EPS8: variants seen among roughly 807,000 people sequenced by gnomAD.
EPS8 encodes the protein EGFR pathway substrate 8, signaling adaptor.
A neutral mutation model predicts 103.8 loss-of-function variants in EPS8; 42 were observed. The observed-to-expected ratio is 0.40, with a 90% confidence interval of 0.32 to 0.52. The LOEUF is 0.52. EPS8 is among the 20% of genes least tolerant of loss of function. EPS8 has a pLI of 0.40. For synonymous variants in EPS8, 344 were observed against 344.6 expected (o/e 1.00, Z 0.02); for missense variants, 969 against 1,005.1 (o/e 0.96, Z 0.49).
intron 16 of EPS8, among the ~76,000 whole-genome samples, chr12:15,641,411 T>A (rs1448404304): frequency 1.3e-5 from 2 of 151,910 alleles, no homozygotes; most frequent in Non-Finnish European, 2.9e-5. Flanking sequence ...TGCATCCACA[T>A]CTGAATTGTT....
At chr12:15,715,016 A>C (rs1946513094) in intron 1 of EPS8, among the ~76,000 whole-genome samples, 1 of 152,156 alleles carries the variant, frequency 6.6e-6, no homozygotes, top group South Asian at 2.1e-4. Flanking sequence ...GATTGAATGG[A>C]AACTGTGACA....
chr12:15,758,883 A>G (rs1235375671), intron 1 of EPS8, among the ~76,000 whole-genome samples: 1 of 152,160 alleles, frequency 6.6e-6, no homozygotes, highest in African/African-American at 2.4e-5. Flanking sequence ...GGAAATATAC[A>G]TACATGTATA....
rs1306303244 is a variant in EPS8, at chr12:15,747,783, G to A, written c.-22+41378C>T. Reference sequence around the variant, plus strand: ...CGCCTGTAATCCCAGCACTTTGGGAGGCCGAGGTGGGCGGATCACGAGGTC... The same window carrying A: ...CGCCTGTAATCCCAGCACTTTGGGAAGCCGAGGTGGGCGGATCACGAGGTC... On this transcript the variant is annotated intron_variant, in intron 1 of 20. Coordinates refer to ENST00000281172, the MANE Select transcript of EPS8 (RefSeq NM_004447.6). This position sits in a 1 kb window ranked among gnomAD's most constrained non-coding sequence, Gnocchi z 4.4. 2.0e-5 allele frequency among the ~76,000 whole-genome samples: 3 copies of A among 152,148 alleles called. No individual in the cohort carries two copies. Among genetic ancestry groups the A allele is most frequent in the Non-Finnish European group, 4.4e-5 (3 of 68,028 alleles).
rs866881418 is a variant in EPS8, at chr12:15,631,744, C to A, written c.1822-80G>T. The A allele has an allele frequency of 4.5e-6, 5 of 1,110,380 alleles. No homozygotes were observed. In the South Asian group the frequency reaches 8.2e-5, roughly 18 times the overall value. 68.8% of individuals were successfully genotyped at this position (1,110,380 alleles called of 1,614,324 possible). ...GAAAACAAATTATACTTTGATAGGA[C>A]ATTGTTGGCTATTTTTAAACTTACT... On this transcript the variant is annotated intron_variant, in intron 17 of 20. Transcript: ENST00000281172.
chr12:15,783,635 TATG>T (rs2136057759), intron 1 of EPS8, among the ~76,000 whole-genome samples: 1 of 150,758 alleles, frequency 6.6e-6, no homozygotes, highest in South Asian at 2.1e-4. Flanking sequence ...TATTATTCCC[TATG>T]ATAAGATCTA....
rs983533116 is a variant in EPS8 at position 15,647,260 on chromosome 12, G to T, written c.1435C>A (p.His479Asn). 1.2e-5 allele frequency: 20 copies of T among 1,610,390 alleles called. No homozygotes were observed. Among genetic ancestry groups the T allele is most frequent in the Non-Finnish European group, 1.6e-5 (19 of 1,178,482 alleles). The change falls in exon 15 of 21, where the codon CAT (histidine) becomes AAT (asparagine). Residue 479 changes from histidine to asparagine, a missense_variant and splice_region_variant. By Grantham distance (68) the His-to-Asn change is moderately conservative (BLOSUM62 1). Coordinates refer to ENST00000281172, the MANE Select transcript of EPS8 (RefSeq NM_004447.6). The stretch of plus-strand genomic sequence containing the variant: ...GGATGATACTCTGATACACTGGAAT[G>T]CTGAAAGACAAAGTGGGGCAGATTA... ...KQEIKRLSTE[H>N]SSVSEYHPAD... is the part of the protein sequence containing the mutation.
At chr12:15,641,972 G>T in intron 15 of EPS8, 142 bp from the exon 16 acceptor site, 2 of 423,626 alleles carry the variant, frequency 4.7e-6, no homozygotes, top group Non-Finnish European at 8.2e-6. Context: ...TTTACATTAT[G>T]ATAAATAAAA....
Position 15,745,051 on chromosome 12 carries a change from A to C in EPS8, c.-22+44110T>G, listed in dbSNP as rs967134525. Among the ~76,000 whole-genome samples the C allele has an allele frequency of 1.3e-5, 2 of 152,008 alleles. No individual in the cohort carries two copies. Among genetic ancestry groups the C allele is most frequent in the African/African-American group, 4.8e-5 (2 of 41,388 alleles). On this transcript the variant is annotated intron_variant, in intron 1 of 20. Transcript: ENST00000281172. This position sits in a 1 kb window ranked among gnomAD's most constrained non-coding sequence, Gnocchi z 4.6. ...GCTAATTTTTGTATTTTTAGTAGAG[A>C]TGGGTTTCACCACGTTGGACAGGAT... is the stretch of plus-strand genomic sequence containing the variant.
At chr12:15,645,990 CAGAA>C (rs1945313764) in intron 15 of EPS8, among the ~76,000 whole-genome samples, 1 of 151,742 alleles carries the variant, frequency 6.6e-6, no homozygotes, top group Admixed American at 6.6e-5. Flanking sequence ...CTAAGACAGA[CAGAA>C]AGAAAAAAGA....
At chr12:15,645,413 A>G (rs910203861) in intron 15 of EPS8, among the ~76,000 whole-genome samples, 1 of 23,682 alleles carries the variant, frequency 4.2e-5, no homozygotes, top group African/African-American at 5.7e-5. Flanking sequence ...AAAAATTCTC[A>G]TCTTCCCTCT....
intron 1 of EPS8, among the ~76,000 whole-genome samples, chr12:15,750,775 T>G (rs1274245596): frequency 6.6e-6 from 1 of 152,212 alleles, no homozygotes; most frequent in East Asian, 1.9e-4. Context: ...TGTGTAAACA[T>G]GTTGACTATC....
chr12:15,682,980 A>C lies in EPS8; in HGVS notation c.-21-8T>G, dbSNP rs1425249954. Reference sequence around the variant, plus strand: ...GTCTTTCACTTGTGTGTTCTAAAAAAAGAAAGACACATAGATTAAAGGCAA... The same window carrying C: ...GTCTTTCACTTGTGTGTTCTAAAAACAGAAAGACACATAGATTAAAGGCAA... On this transcript the variant is annotated splice_polypyrimidine_tract_variant and splice_region_variant and intron_variant, in intron 1 of 20. Coordinates refer to ENST00000281172, the MANE Select transcript of EPS8 (RefSeq NM_004447.6). The C allele has an allele frequency of 2.0e-6, 3 of 1,490,882 alleles. No individual in the cohort carries two copies. The allele number at this position is 1,490,882 out of a possible 1,614,324, so 92.4% of individuals were successfully genotyped here.
intron 15 of EPS8, among the ~76,000 whole-genome samples, chr12:15,644,985 T>C (rs1945296412): frequency 6.6e-6 from 1 of 152,130 alleles, no homozygotes. Flanking sequence ...AACTGAGATA[T>C]AAAATCTACC....
chr12:15,638,498 G>T (rs960912365), intron 17 of EPS8, among the ~76,000 whole-genome samples: 3 of 152,058 alleles, frequency 2.0e-5, no homozygotes, highest in African/African-American at 7.2e-5. Context: ...AACAGCATAC[G>T]CTTCTGCATA....
At chr12:15,755,013 G>A (rs1033457627) in intron 1 of EPS8, among the ~76,000 whole-genome samples, 1 of 152,200 alleles carries the variant, frequency 6.6e-6, no homozygotes, top group Admixed American at 6.5e-5. Flanking sequence ...ACCTTGGCCT[G>A]ATGTGCGCAT....
At chr12:15,707,446 T>TA (rs1367191145) in intron 1 of EPS8, among the ~76,000 whole-genome samples, 1 of 152,006 alleles carries the variant, frequency 6.6e-6, no homozygotes, top group Non-Finnish European at 1.5e-5. Flanking sequence ...CCTTAATCAA[T>TA]ACCCAACTGA....
At chr12:15,788,629 A>C (rs1479560243) in intron 1 of EPS8, among the ~76,000 whole-genome samples, 1 of 152,228 alleles carries the variant, frequency 6.6e-6, no homozygotes, top group East Asian at 1.9e-4. Context: ...AAGAAAGTCA[A>C]CAGCCATTAG....
At chr12:15,712,908 C>G in intron 1 of EPS8, 1 of 984,764 alleles carries the variant, frequency 1.0e-6, no homozygotes, top group African/African-American at 1.7e-5. Context: ...ATTGAGAGGC[C>G]ATTCCACTCA....
At chr12:15,730,931 T>G (rs1486295539) in intron 1 of EPS8, among the ~76,000 whole-genome samples, 2 of 151,938 alleles carry the variant, frequency 1.3e-5, no homozygotes, top group Non-Finnish European at 2.9e-5. Flanking sequence ...TACATATAAA[T>G]AAGAATATCT....
Sources: gnomAD v4.1 joint callset for allele counts (sites outside exome capture counted in the v4.1 genomes callset) on GRCh38, gnomAD v4.1.1 for gene constraint, Gnocchi (gnomAD v3.1) non-coding constraint, MANE v1.5 for transcripts, NCBI Gene and HGNC (gene_info 2026-07-23, HGNC 2026-07-21) for gene names.